SLC25A21: variants seen among roughly 807,000 people sequenced by gnomAD.
SLC25A21 encodes the protein solute carrier family 25 member 21, also known as mitochondrial 2-oxodicarboxylate carrier.
SLC25A21 carries 47 observed loss-of-function variants against 43.8 expected under a neutral mutation model. The observed-to-expected ratio is 1.07, with a 90% confidence interval of 0.85 to 1.37. SLC25A21 has a LOEUF of 1.37. SLC25A21 is among the 40% of genes most tolerant of loss of function. SLC25A21 has a pLI of 0.00. For synonymous variants in SLC25A21, 131 were observed against 121.3 expected (o/e 1.08, Z -0.52); for missense variants, 352 against 350.2 (o/e 1.00, Z -0.04).
chr14:37,131,527 C>T (rs1963391577), intron 1 of SLC25A21, among the ~76,000 whole-genome samples: 1 of 152,136 alleles, frequency 6.6e-6, no homozygotes, highest in Admixed American at 6.5e-5. Flanking sequence ...GTATTCTGCA[C>T]ACAGTGAGAT....
chr14:36,756,342 T>G (rs1885927397), intron 3 of SLC25A21, among the ~76,000 whole-genome samples: 1 of 152,212 alleles, frequency 6.6e-6, no homozygotes, highest in African/African-American at 2.4e-5. Context: ...CCTGGCTATG[T>G]ACGCGGCTTC....
intron 1 of SLC25A21, among the ~76,000 whole-genome samples, chr14:36,904,210 T>G (rs1891473090): frequency 1.3e-5 from 2 of 152,212 alleles, no homozygotes; most frequent in Admixed American, 1.3e-4. Context: ...ATTCAAAAAT[T>G]GACCACGCGT....
intron 1 of SLC25A21, among the ~76,000 whole-genome samples, chr14:36,947,568 T>A (rs1050656144): frequency 6.6e-6 from 1 of 152,162 alleles, no homozygotes; most frequent in African/African-American, 2.4e-5. Context: ...TGATTTACCA[T>A]GTCTGCTCCG....
intron 3 of SLC25A21, among the ~76,000 whole-genome samples, chr14:36,769,895 T>A (rs895582002): frequency 1.3e-5 from 2 of 152,232 alleles, no homozygotes; most frequent in African/African-American, 4.8e-5. Context: ...TATTTAGTGT[T>A]GTATCCTCAC....
At chr14:36,813,080 T>A (rs928179855) in intron 3 of SLC25A21, among the ~76,000 whole-genome samples, 60 of 152,146 alleles carry the variant, frequency 3.9e-4, no homozygotes, top group Admixed American at 9.2e-4. Flanking sequence ...GTTAAAAAAA[T>A]TTTTTTTATT....
intron 1 of SLC25A21, among the ~76,000 whole-genome samples, chr14:37,041,891 G>A (rs1438331616): frequency 5.3e-5 from 8 of 152,138 alleles, no homozygotes; most frequent in Non-Finnish European, 1.0e-4. Flanking sequence ...TAAATCTAAA[G>A]ATTGTAAATA....
intron 3 of SLC25A21, among the ~76,000 whole-genome samples, chr14:36,794,483 C>A (rs1443975829): frequency 6.6e-6 from 1 of 151,894 alleles, no homozygotes; most frequent in African/African-American, 2.4e-5. Context: ...TATAAACATC[C>A]CAAGCTGGGA....
chr14:36,921,519 A>G (rs1225627867), intron 1 of SLC25A21, among the ~76,000 whole-genome samples: 1 of 152,218 alleles, frequency 6.6e-6, no homozygotes, highest in Non-Finnish European at 1.5e-5. Flanking sequence ...AACTACAGCT[A>G]TATGAAACAA....
intron 3 of SLC25A21, among the ~76,000 whole-genome samples, chr14:36,798,192 C>T (rs1378605517): frequency 6.6e-6 from 1 of 152,214 alleles, no homozygotes; most frequent in South Asian, 2.1e-4. Flanking sequence ...ACTTTAGTGT[C>T]TCTGTAAAAT....
intron 1 of SLC25A21, among the ~76,000 whole-genome samples, chr14:37,114,498 C>T (rs748582037): frequency 6.6e-6 from 1 of 152,098 alleles, no homozygotes; most frequent in African/African-American, 2.4e-5. Flanking sequence ...TTTGTTGCTG[C>T]GCAATACTTA....
chr14:36,687,602 G>A (rs1188403988), intron 7 of SLC25A21, among the ~76,000 whole-genome samples: 1 of 152,184 alleles, frequency 6.6e-6, no homozygotes, highest in Non-Finnish European at 1.5e-5. Context: ...GGGCCAGTAG[G>A]CAGTTTCTTC....
At chr14:36,908,296 G>A (rs1891589200) in intron 1 of SLC25A21, among the ~76,000 whole-genome samples, 1 of 152,114 alleles carries the variant, frequency 6.6e-6, no homozygotes. Context: ...ATTGACAGTG[G>A]GGGCATCTCT....
intron 2 of SLC25A21, among the ~76,000 whole-genome samples, chr14:36,825,252 T>C (rs1353182816): frequency 6.8e-6 from 1 of 147,056 alleles, no homozygotes; most frequent in Non-Finnish European, 1.5e-5. Context: ...TGTTTCTCTC[T>C]CTTTCATGAT....
chr14:36,994,210 A>C (rs571013844), intron 1 of SLC25A21, among the ~76,000 whole-genome samples: 1 of 152,198 alleles, frequency 6.6e-6, no homozygotes, highest in Non-Finnish European at 1.5e-5. Flanking sequence ...TACCTGCTTC[A>C]CAATATGGAG....
intron 3 of SLC25A21, among the ~76,000 whole-genome samples, chr14:36,750,390 G>A (rs1393313217): frequency 2.6e-5 from 4 of 152,202 alleles, no homozygotes; most frequent in South Asian, 2.1e-4. Context: ...CCCAATCCAC[G>A]TCATCCCTTC....
intron 1 of SLC25A21, among the ~76,000 whole-genome samples, chr14:37,042,102 T>C (rs563065783): frequency 1.3e-5 from 2 of 152,286 alleles, no homozygotes; most frequent in African/African-American, 2.4e-5. Context: ...GGGTAACCTT[T>C]ACTTGCCATA....
chr14:36,723,935 TG>T (rs34034049), intron 6 of SLC25A21, among the ~76,000 whole-genome samples: 61,596 of 152,036 alleles, frequency 0.41, 13,592 homozygotes, highest in African/African-American at 0.59. Flanking sequence ...AGGGGTAAGA[TG>T]GGAACACCGG....
chr14:36,857,441 T>C lies in SLC25A21; in HGVS notation c.119+17515A>G, dbSNP rs149154187. On this transcript the variant is annotated intron_variant, in intron 2 of 9. Coordinates refer to ENST00000331299, the MANE Select transcript of SLC25A21 (RefSeq NM_030631.4). ...TTTTTATGAGCTCTCAAGGCACACA[T>C]TGGGGGCCAGGCGTAAATATGGAGA... Among the ~76,000 whole-genome samples, 22 of 152,312 alleles carry C rather than the reference T, an allele frequency of 1.4e-4. No individual in the cohort carries two copies. The East Asian group carries it at 3.1e-3, about 21-fold the overall frequency.
Position 36,679,269 on chromosome 14 carries a change from T to G in SLC25A21, c.*1389A>C. On this transcript the variant is annotated 3_prime_UTR_variant, in exon 10 of 10. Coordinates refer to ENST00000331299, the MANE Select transcript of SLC25A21 (RefSeq NM_030631.4). Reference sequence around the variant, plus strand: ...ATTTTAAAAAACACGTTGGAAAGGATGTACAACAGAAGGCTATGTATGTAT... The same window carrying G: ...ATTTTAAAAAACACGTTGGAAAGGAGGTACAACAGAAGGCTATGTATGTAT... The G allele has an allele frequency of 4.1e-6, 4 of 983,068 alleles. No individual in the cohort carries two copies. Among genetic ancestry groups the G allele is most frequent in the Non-Finnish European group, 4.8e-6 (4 of 827,764 alleles). The allele number at this position is 983,068 out of a possible 1,614,324, so 60.9% of individuals were successfully genotyped here.
Sources: allele counts gnomAD v4.1 joint callset (sites outside exome capture counted in the v4.1 genomes callset), GRCh38; gene constraint gnomAD v4.1.1; transcripts MANE v1.5; gene names NCBI Gene and HGNC (gene_info 2026-07-23, HGNC 2026-07-21).